The following RAD51B variants were observed in gnomAD, a reference collection of about 807,000 sequenced individuals.
The protein encoded by RAD51B is DNA repair protein RAD51 homolog 2.
Under a neutral mutation model 42.2 loss-of-function variants are expected in RAD51B, and 38 were observed. The observed-to-expected ratio is 0.90, with a 90% CI of 0.70 to 1.18. RAD51B has a LOEUF of 1.18. Among genes scored for constraint, RAD51B ranks in the 50% most tolerant of loss-of-function variants. RAD51B has a pLI of 0.00. For synonymous variants in RAD51B, 154 were observed against 145.2 expected (o/e 1.06, Z -0.43); for missense variants, 373 against 400.7 (o/e 0.93, Z 0.59).
At chr14:68,180,808 G>A (rs2079048770) in intron 7 of RAD51B, among the ~76,000 whole-genome samples, 4 of 152,202 alleles carry the variant, frequency 2.6e-5, no homozygotes, top group African/African-American at 7.2e-5. Context: ...GACAGAGTTA[G>A]GGAAATGTGA....
chr14:68,615,388 C>G (rs532317226), downstream of RAD51B, among the ~76,000 whole-genome samples: 567 of 152,084 alleles, frequency 3.7e-3, 6 homozygotes, highest in Non-Finnish European at 3.0e-3. Flanking sequence ...CTCTGTCGCC[C>G]AGGCTGGAGT....
intron 9 of RAD51B, among the ~76,000 whole-genome samples, chr14:68,423,117 T>A (rs1470173691): frequency 6.6e-6 from 1 of 152,202 alleles, no homozygotes; most frequent in Non-Finnish European, 1.5e-5. Flanking sequence ...AGAGCCCAGC[T>A]CCCATGGTTG....
rs74736489 is a variant in RAD51B, at chr14:68,208,804, T to C, written c.757-83080T>C. Among the ~76,000 whole-genome samples, 226 of 152,236 alleles carry C rather than the reference T, an allele frequency of 1.5e-3. 6 individuals carry two copies. The East Asian group carries it at 0.042, about 28-fold the overall frequency. On this transcript the variant is annotated intron_variant, in intron 7 of 10. Coordinates refer to ENST00000471583, the MANE Select transcript of RAD51B (RefSeq NM_133510.4). ...CATCTCTATTCAACAGTAAAACTCA[T>C]TGGGGTTATATATTATACCCTAGTG... is the stretch of plus-strand genomic sequence containing the variant.
At chr14:68,023,396 TG>T (rs2075900756) in intron 7 of RAD51B, among the ~76,000 whole-genome samples, 1 of 152,158 alleles carries the variant, frequency 6.6e-6, no homozygotes, top group Admixed American at 6.5e-5. Flanking sequence ...AGTGAAGTCC[TG>T]GCTGACTGCA....
At chr14:67,846,562 C>T (rs527935689) in intron 4 of RAD51B, among the ~76,000 whole-genome samples, 5 of 152,192 alleles carry the variant, frequency 3.3e-5, no homozygotes, top group East Asian at 1.9e-4. Flanking sequence ...TCTGGTGTGC[C>T]TCAGTGGAGG....
chr14:68,225,969 T>A (rs2080029638), intron 7 of RAD51B, among the ~76,000 whole-genome samples: 1 of 152,232 alleles, frequency 6.6e-6, no homozygotes, highest in Non-Finnish European at 1.5e-5. Context: ...TCGAGTGTTT[T>A]AAGGTAAATC....
At chr14:68,295,069 G>A (rs2081587885) in intron 8 of RAD51B, among the ~76,000 whole-genome samples, 1 of 152,202 alleles carries the variant, frequency 6.6e-6, no homozygotes, top group Non-Finnish European at 1.5e-5. Context: ...AAATTGACAA[G>A]CACACTGCAA....
intron 7 of RAD51B, among the ~76,000 whole-genome samples, chr14:68,185,992 A>G (rs1248171403): frequency 6.6e-6 from 1 of 152,212 alleles, no homozygotes; most frequent in East Asian, 1.9e-4. Flanking sequence ...GCAAAACAGC[A>G]TGGTACTGGT....
intron 7 of RAD51B, among the ~76,000 whole-genome samples, chr14:67,928,445 TG>T (rs1051792403): frequency 3.3e-5 from 5 of 152,146 alleles, no homozygotes; most frequent in African/African-American, 1.2e-4. Flanking sequence ...ATTAGCAGGC[TG>T]GAGGAGGCGG....
At chr14:68,421,601 A>G (rs1364147421) in intron 9 of RAD51B, 4 of 951,038 alleles carry the variant, frequency 4.2e-6, no homozygotes, top group South Asian at 1.5e-5. Flanking sequence ...GCGAGAGCAC[A>G]AAGATTCTAG....
chr14:68,186,434 A>G (rs2079159102), intron 7 of RAD51B, among the ~76,000 whole-genome samples: 2 of 152,196 alleles, frequency 1.3e-5, no homozygotes. Flanking sequence ...CAACCTACAG[A>G]TAGGGAGAAA....
chr14:68,151,988 C>T (rs2078397955), intron 7 of RAD51B, among the ~76,000 whole-genome samples: 1 of 151,580 alleles, frequency 6.6e-6, no homozygotes, highest in Admixed American at 6.6e-5. Flanking sequence ...GGATTACAGG[C>T]ATGCGCCACC....
intron 10 of RAD51B, among the ~76,000 whole-genome samples, chr14:68,648,053 G>A (rs1210378174): frequency 2.2e-4 from 17 of 77,408 alleles, no homozygotes; most frequent in East Asian, 7.3e-4. Flanking sequence ...GTATATAGAT[G>A]TGTGTGTGTA....
intron 10 of RAD51B, chr14:68,540,504 C>T: frequency 1.0e-6 from 1 of 985,252 alleles, no homozygotes; most frequent in Non-Finnish European, 1.2e-6. Flanking sequence ...AGCTTGTTCC[C>T]TCATTTCTCT....
chr14:68,321,587 C>T (rs909602734), intron 8 of RAD51B, among the ~76,000 whole-genome samples: 1 of 152,112 alleles, frequency 6.6e-6, no homozygotes, highest in Non-Finnish European at 1.5e-5. Flanking sequence ...CCATAATCTG[C>T]TCTTTCTTGG....
At chr14:67,906,041 A>G (rs549623883) in intron 7 of RAD51B, among the ~76,000 whole-genome samples, 2 of 152,208 alleles carry the variant, frequency 1.3e-5, no homozygotes, top group African/African-American at 4.8e-5. Flanking sequence ...TTTGTCATAG[A>G]TGAGTCTTCT....
At chr14:68,422,100 C>T in intron 9 of RAD51B, 2 of 1,485,950 alleles carry the variant, frequency 1.3e-6, no homozygotes, top group African/African-American at 1.4e-5. Context: ...AAATTTTCTG[C>T]TGTCTTTGGG....
At chr14:68,652,803 T>C (rs1337463740) in intron 11 of RAD51B, among the ~76,000 whole-genome samples, 2 of 152,376 alleles carry the variant, frequency 1.3e-5, no homozygotes, top group South Asian at 4.1e-4. Context: ...CTGTACCATC[T>C]CCAAGTTGGC....
downstream of RAD51B, chr14:68,478,126 C>T: frequency 1.9e-6 from 2 of 1,033,142 alleles, no homozygotes; most frequent in Non-Finnish European, 2.3e-6. Flanking sequence ...ATTGGGGTCT[C>T]CAAATAGTAA....
Sources: gnomAD v4.1 joint callset for allele counts (sites outside exome capture counted in the v4.1 genomes callset) on GRCh38, gnomAD v4.1.1 for gene constraint, MANE v1.5 for transcripts, NCBI Gene and HGNC (gene_info 2026-07-23, HGNC 2026-07-21) for gene names.